The following NUAK1 variants were observed in gnomAD, a reference collection of about 807,000 sequenced individuals.
NUAK1 encodes NUAK family SNF1-like kinase 1.
Under a neutral mutation model 56.9 loss-of-function variants are expected in NUAK1, and 26 were observed. The ratio of observed to expected loss-of-function variants is 0.46; its 90% CI spans 0.33 to 0.63. NUAK1 has a LOEUF of 0.63. Among genes scored for constraint, NUAK1 ranks in the 30% least tolerant of loss-of-function variants. The pLI, the probability that NUAK1 is intolerant of heterozygous loss-of-function variation, is 0.02. For missense variants in NUAK1, 727 were observed against 876.1 expected (o/e 0.83, Z 2.15); for synonymous variants, 337 against 336.0 (o/e 1.00, Z -0.03).
At chr12:106,074,607 C>G (rs1452972831) in intron 4 of NUAK1, among the ~76,000 whole-genome samples, 2 of 152,150 alleles carry the variant, frequency 1.3e-5, no homozygotes, top group African/African-American at 2.4e-5. Flanking sequence ...TCTAAGCCAG[C>G]CTTGCAAGCT....
chr12:106,072,230 G>GA (rs2032413556), intron 5 of NUAK1, among the ~76,000 whole-genome samples: 1 of 152,070 alleles, frequency 6.6e-6, no homozygotes, highest in Admixed American at 6.5e-5. Flanking sequence ...ATATAATAGG[G>GA]AAAAAACTAA....
intron 1 of NUAK1, among the ~76,000 whole-genome samples, chr12:106,121,877 AC>A (rs1221355312): frequency 2.0e-5 from 3 of 152,128 alleles, no homozygotes; most frequent in Admixed American, 2.0e-4. Flanking sequence ...ACATGCACAC[AC>A]CCCTACTGGG....
intron 1 of NUAK1, among the ~76,000 whole-genome samples, chr12:106,111,118 A>T (rs1278376114): frequency 6.6e-6 from 1 of 152,016 alleles, no homozygotes; most frequent in Non-Finnish European, 1.5e-5. Context: ...CGGTTTCCTC[A>T]CCTGTAAAAT....
intron 4 of NUAK1, among the ~76,000 whole-genome samples, chr12:106,082,470 C>T (rs2032527039): frequency 6.6e-6 from 1 of 152,326 alleles, no homozygotes; most frequent in South Asian, 2.1e-4. Context: ...GCTGAGGAAA[C>T]AGGGTTAAGT....
At chr12:106,105,514 G>T (rs995763648) in intron 2 of NUAK1, among the ~76,000 whole-genome samples, 1 of 151,946 alleles carries the variant, frequency 6.6e-6, no homozygotes, top group Non-Finnish European at 1.5e-5. Flanking sequence ...CCTTACAGGG[G>T]AATATTTATT....
At chr12:106,107,896 A>G (rs3782691) in intron 1 of NUAK1, among the ~76,000 whole-genome samples, 36,416 of 152,138 alleles carry the variant, frequency 0.24, 4,411 homozygotes, top group East Asian at 0.36. Flanking sequence ...TCTCCTTTGC[A>G]GTCCTTACCC....
chr12:106,136,549 G>A (rs1253454254), intron 1 of NUAK1, among the ~76,000 whole-genome samples: 2 of 152,216 alleles, frequency 1.3e-5, no homozygotes, highest in Non-Finnish European at 2.9e-5. Flanking sequence ...CGCTCAGAAA[G>A]GCGTCTGCCA....
At chr12:106,132,525 GCA>G (rs2033088861) in intron 1 of NUAK1, among the ~76,000 whole-genome samples, 2 of 152,296 alleles carry the variant, frequency 1.3e-5, no homozygotes, top group African/African-American at 4.8e-5. Flanking sequence ...ACACACACTG[GCA>G]TGGTGTGGGG....
intron 1 of NUAK1, among the ~76,000 whole-genome samples, chr12:106,136,867 CTCT>C (rs1240117094): frequency 2.0e-5 from 3 of 152,200 alleles, no homozygotes; most frequent in African/African-American, 7.2e-5. Context: ...GTTTCCCAGC[CTCT>C]TCTTCCACAA....
At chr12:106,081,242 G>A (rs551837555) in intron 4 of NUAK1, among the ~76,000 whole-genome samples, 14 of 133,192 alleles carry the variant, frequency 1.1e-4, no homozygotes, top group African/African-American at 3.7e-4. Context: ...TGTGATCGTG[G>A]GCATTATCCT....
chr12:106,089,779 A>G (rs1015508709), intron 2 of NUAK1, among the ~76,000 whole-genome samples: 1 of 152,026 alleles, frequency 6.6e-6, no homozygotes, highest in Non-Finnish European at 1.5e-5. Context: ...ACTGAGTGAG[A>G]CTTCATCTCA....
intron 1 of NUAK1, among the ~76,000 whole-genome samples, chr12:106,118,997 A>T (rs1412891177): frequency 6.6e-6 from 1 of 152,226 alleles, no homozygotes; most frequent in Non-Finnish European, 1.5e-5. Flanking sequence ...TTTCAAGTGT[A>T]TTTCTGAGTC....
intron 2 of NUAK1, among the ~76,000 whole-genome samples, chr12:106,090,748 A>T (rs998279891): frequency 5.3e-5 from 8 of 152,174 alleles, no homozygotes; most frequent in African/African-American, 1.9e-4. Flanking sequence ...CCAGTGCTCA[A>T]CGAATGGAAG....
In NUAK1 at chr12:106,134,622, G is replaced by A. The variant is rs116003725; in HGVS notation, c.240+3792C>T. ...AAGTTGAACTTGGCCCCTTGACATC[G>A]AGGTGATCACAGGACATAAAATTGT... is the stretch of plus-strand genomic sequence containing the variant. On this transcript the variant is annotated intron_variant, in intron 1 of 6. Transcript: ENST00000261402. Among the ~76,000 whole-genome samples the A allele has an allele frequency of 6.6e-3, 1,005 of 152,304 alleles. 9 individuals are homozygous for A. Among genetic ancestry groups the A allele is most frequent in the African/African-American group, 0.023 (950 of 41,572 alleles).
chr12:106,126,545 G>T (rs1405653659), intron 1 of NUAK1, among the ~76,000 whole-genome samples: 1 of 152,206 alleles, frequency 6.6e-6, no homozygotes, highest in African/African-American at 2.4e-5. Context: ...ATGGTTCTAA[G>T]AATTCAGTGA....
intron 2 of NUAK1, among the ~76,000 whole-genome samples, chr12:106,105,595 T>G (rs1025168270): frequency 6.6e-6 from 1 of 152,158 alleles, no homozygotes; most frequent in Non-Finnish European, 1.5e-5. Context: ...AATAGCATGA[T>G]CTAACTGGAC....
At chr12:106,092,241 G>T (rs770994969) in intron 2 of NUAK1, among the ~76,000 whole-genome samples, 1 of 152,112 alleles carries the variant, frequency 6.6e-6, no homozygotes, top group South Asian at 2.1e-4. Flanking sequence ...AGTCATAGCC[G>T]GGCGTGGTGG....
chr12:106,095,855 G>C (rs2032691436), intron 2 of NUAK1, among the ~76,000 whole-genome samples: 1 of 152,182 alleles, frequency 6.6e-6, no homozygotes, highest in African/African-American at 2.4e-5. Flanking sequence ...TTGGTCCCTA[G>C]GGCTGTTCCA....
intron 2 of NUAK1, among the ~76,000 whole-genome samples, chr12:106,097,174 A>G (rs543724507): frequency 3.3e-5 from 5 of 152,338 alleles, no homozygotes; most frequent in African/African-American, 1.2e-4. Flanking sequence ...CATTTTATAG[A>G]CAAGGAAACA....
Sources: gnomAD v4.1 joint callset for allele counts (sites outside exome capture counted in the v4.1 genomes callset) on GRCh38, gnomAD v4.1.1 for gene constraint, MANE v1.5 for transcripts, NCBI Gene and HGNC (gene_info 2026-07-23, HGNC 2026-07-21) for gene names.